ANTXR1: variants seen among roughly 807,000 people sequenced by gnomAD.
ANTXR1 encodes anthrax toxin receptor 1.
Under a neutral mutation model 78.1 loss-of-function variants are expected in ANTXR1, and 19 were observed. That is an observed-to-expected ratio of 0.24 (90% CI 0.17 to 0.36). The LOEUF (loss-of-function observed/expected upper bound fraction) is 0.36. Ranked by LOEUF, ANTXR1 falls within the 10% of genes least tolerant of loss-of-function variation. ANTXR1 has a pLI of 1.00. For synonymous variants in ANTXR1, 273 were observed against 260.5 expected (o/e 1.05, Z -0.46); for missense variants, 518 against 718.6 (o/e 0.72, Z 3.19).
At chr2:69,039,831 C>T (rs897463724) in intron 1 of ANTXR1, among the ~76,000 whole-genome samples, 91 of 151,060 alleles carry the variant, frequency 6.0e-4, no homozygotes, top group African/African-American at 1.9e-3. Flanking sequence ...GGGGGCAGTG[C>T]GAGATTGGGG....
rs139145341 is a variant in ANTXR1, at chr2:69,153,813, G to A, written c.1047+1549G>A. Among the ~76,000 whole-genome samples the A allele has an allele frequency of 3.2e-3, 487 of 152,298 alleles. 4 individuals are homozygous for A. The highest frequency in any genetic ancestry group is 0.011 in the African/African-American group (472 of 41,554). ...TGATTATTTACAGTTACCTCTGGGT[G>A]AGGACAGCTAGGAACATTAGAACAG... On this transcript the variant is annotated intron_variant, in intron 13 of 17. Coordinates refer to ENST00000303714, the MANE Select transcript of ANTXR1 (RefSeq NM_032208.3).
Position 69,230,883 on chromosome 2 carries a change from G to T in ANTXR1, c.1435-14342G>T, listed in dbSNP as rs561340522. Among the ~76,000 whole-genome samples, 6 of 152,278 alleles carry T rather than the reference G, an allele frequency of 3.9e-5. No homozygotes were observed. In the East Asian group the frequency reaches 1.2e-3, roughly 29 times the overall value. On this transcript the variant is annotated intron_variant, in intron 17 of 17. Transcript: ENST00000303714. The stretch of plus-strand genomic sequence containing the variant: ...TAAACATGTGTCATGGGGGCTTGTT[G>T]TACAGATTATTTCATCACCCAGGTA...
chr2:69,037,899 G>C (rs151264310), intron 1 of ANTXR1, among the ~76,000 whole-genome samples: 1 of 152,014 alleles, frequency 6.6e-6, no homozygotes, highest in Non-Finnish European at 1.5e-5. Context: ...ACCCTGGCAC[G>C]CTCCTTCCAG....
chr2:69,113,671 CT>C (rs1204376803), intron 10 of ANTXR1, among the ~76,000 whole-genome samples: 1 of 152,190 alleles, frequency 6.6e-6, no homozygotes, highest in Non-Finnish European at 1.5e-5. Context: ...GTGTGGAAGG[CT>C]TTAGCCATTT....
intron 13 of ANTXR1, among the ~76,000 whole-genome samples, chr2:69,169,642 G>A (rs1321312420): frequency 6.6e-6 from 1 of 152,204 alleles, no homozygotes; most frequent in Non-Finnish European, 1.5e-5. Context: ...TTATAACACT[G>A]TTAGTTAAAG....
intron 17 of ANTXR1, among the ~76,000 whole-genome samples, chr2:69,206,074 T>C (rs1032849973): frequency 6.6e-6 from 1 of 152,228 alleles, no homozygotes; most frequent in African/African-American, 2.4e-5. Flanking sequence ...GAATCCACAG[T>C]GATGACAGAG....
chr2:69,065,424 C>CAAAAA (rs34601328), intron 3 of ANTXR1, among the ~76,000 whole-genome samples: 12,273 of 66,326 alleles, frequency 0.19, 1,860 homozygotes, highest in African/African-American at 0.39. Flanking sequence ...GACTCCGTCT[C>CAAAAA]AAAAAAAAAA....
chr2:69,210,351 T>A (rs1026276236), intron 17 of ANTXR1, among the ~76,000 whole-genome samples: 1 of 152,236 alleles, frequency 6.6e-6, no homozygotes, highest in African/African-American at 2.4e-5. Context: ...AGCGTCTTAA[T>A]TGTTCATGTT....
At position 69,129,619 on chromosome 2, in the gene ANTXR1, C is replaced by T. The variant is rs937504334; in HGVS notation, c.951+4976C>T. Among the ~76,000 whole-genome samples, 9 of 151,904 alleles carry T rather than the reference C, an allele frequency of 5.9e-5. No homozygotes were observed. The South Asian group carries it at 1.0e-3, about 18-fold the overall frequency. On this transcript the variant is annotated intron_variant, in intron 12 of 17. Transcript: ENST00000303714. ...ATACAAAAATTAGCTGGTGTGGTGG[C>T]GTGCACCTGTAATCCCAGCTACTCA...
At chr2:69,244,210 T>C (rs1241507989) in intron 17 of ANTXR1, among the ~76,000 whole-genome samples, 6 of 152,240 alleles carry the variant, frequency 3.9e-5, no homozygotes, top group Non-Finnish European at 8.8e-5. Context: ...CTTTGGACGC[T>C]GACTTTCAGG....
At chr2:69,170,675 A>T (rs1302733541) in intron 14 of ANTXR1, among the ~76,000 whole-genome samples, 1 of 131,714 alleles carries the variant, frequency 7.6e-6, no homozygotes, top group African/African-American at 2.9e-5. Flanking sequence ...GATCAGGCAC[A>T]GTTTGCTACA....
intron 9 of ANTXR1, among the ~76,000 whole-genome samples, chr2:69,101,403 G>A (rs1671615429): frequency 6.6e-6 from 1 of 152,168 alleles, no homozygotes; most frequent in Non-Finnish European, 1.5e-5. Context: ...TTCTGATTCT[G>A]ACAAGTTACC....
chr2:69,119,312 A>G (rs978166927), intron 10 of ANTXR1, among the ~76,000 whole-genome samples: 6 of 152,152 alleles, frequency 3.9e-5, no homozygotes, highest in Admixed American at 6.5e-5. Flanking sequence ...CTCTCCCCAC[A>G]GAAGGCAGCC....
chr2:69,042,583 CA>C (rs1467064338), intron 2 of ANTXR1, among the ~76,000 whole-genome samples: 1 of 152,040 alleles, frequency 6.6e-6, no homozygotes, highest in Non-Finnish European at 1.5e-5. Flanking sequence ...CCCCTTGTCC[CA>C]AAAAAAGCAA....
chr2:69,163,267 A>G lies in ANTXR1; in HGVS notation c.1048-6981A>G, dbSNP rs1268227509. On this transcript the variant is annotated intron_variant, in intron 13 of 17. Coordinates refer to ENST00000303714, the MANE Select transcript of ANTXR1 (RefSeq NM_032208.3). ...TGTTATTCCTTCTGCACTGGCTTAAAATAGAATTTCAGCTTTTGTTGTGTT... is the reference window on the plus strand; with the variant it reads ...TGTTATTCCTTCTGCACTGGCTTAAGATAGAATTTCAGCTTTTGTTGTGTT... Among the ~76,000 whole-genome samples the G allele has an allele frequency of 2.6e-5, 4 of 152,004 alleles. No individual in the cohort carries two copies. In the South Asian group the frequency reaches 8.3e-4, roughly 32 times the overall value.
At chr2:69,191,213 A>G (rs1050170767) in intron 16 of ANTXR1, among the ~76,000 whole-genome samples, 1 of 152,250 alleles carries the variant, frequency 6.6e-6, no homozygotes, top group Non-Finnish European at 1.5e-5. Context: ...ATTCCTTGCC[A>G]AAATAGATGA....
intron 16 of ANTXR1, among the ~76,000 whole-genome samples, chr2:69,192,021 C>G (rs1255523157): frequency 7.9e-5 from 12 of 152,166 alleles, no homozygotes. Context: ...ATATTGAGCA[C>G]CAGATGTTGT....
chr2:69,107,400 T>C (rs376319649), intron 10 of ANTXR1, among the ~76,000 whole-genome samples: 25 of 152,166 alleles, frequency 1.6e-4, no homozygotes, highest in Middle Eastern at 3.4e-3. Flanking sequence ...CCACCACACC[T>C]GGCTAATTTT....
intron 1 of ANTXR1, among the ~76,000 whole-genome samples, chr2:69,038,244 C>T (rs761500795): frequency 1.3e-5 from 2 of 152,150 alleles, no homozygotes; most frequent in Non-Finnish European, 2.9e-5. Context: ...ATTTCTTAGC[C>T]ATCTCTGCAC....
Sources: allele counts gnomAD v4.1 joint callset (sites outside exome capture counted in the v4.1 genomes callset), GRCh38; gene constraint gnomAD v4.1.1; transcripts MANE v1.5; gene names NCBI Gene and HGNC (gene_info 2026-07-23, HGNC 2026-07-21).